The following GMDS variants were observed in gnomAD, a reference collection of about 807,000 sequenced individuals.
GMDS encodes the protein GDP-mannose 4,6-dehydratase.
GMDS carries 20 observed loss-of-function variants against 49.9 expected under a neutral mutation model. The ratio of observed to expected loss-of-function variants is 0.40; its 90% CI spans 0.28 to 0.58. The LOEUF is 0.58. Ranked by LOEUF, GMDS falls within the 20% of genes least tolerant of loss-of-function variation. The pLI, the probability that GMDS is intolerant of heterozygous loss-of-function variation, is 0.42. For missense variants in GMDS, 362 were observed against 481.4 expected (o/e 0.75, Z 2.32); for synonymous variants, 177 against 178.6 (o/e 0.99, Z 0.07).
intron 8 of GMDS, among the ~76,000 whole-genome samples, chr6:1,727,772 G>A (rs565351857): frequency 6.6e-6 from 1 of 152,282 alleles, no homozygotes; most frequent in South Asian, 2.1e-4. Flanking sequence ...TTTCACCGTT[G>A]GAGGAATAAT....
chr6:1,847,874 G>A (rs921591754), intron 7 of GMDS, among the ~76,000 whole-genome samples: 2 of 152,144 alleles, frequency 1.3e-5, no homozygotes, highest in Non-Finnish European at 2.9e-5. Context: ...TAGACTTGGT[G>A]AGGGTGTACT....
At chr6:2,180,836 T>C (rs977414333) in intron 1 of GMDS, among the ~76,000 whole-genome samples, 1 of 152,154 alleles carries the variant, frequency 6.6e-6, no homozygotes, top group African/African-American at 2.4e-5. Flanking sequence ...TCATTAGGTA[T>C]TTCCTCTCCA....
intron 1 of GMDS, among the ~76,000 whole-genome samples, chr6:2,136,219 T>C (rs144692594): frequency 1.3e-5 from 2 of 152,368 alleles, no homozygotes; most frequent in Non-Finnish European, 2.9e-5. Context: ...TTATGGCATA[T>C]CACAATTCAA....
intron 1 of GMDS, among the ~76,000 whole-genome samples, chr6:2,230,607 T>G (rs1164801050): frequency 6.6e-6 from 1 of 152,100 alleles, no homozygotes; most frequent in African/African-American, 2.4e-5. Flanking sequence ...GTTCAAACAG[T>G]AAATATTAAA....
chr6:2,207,518 T>C (rs1476507913), intron 1 of GMDS, among the ~76,000 whole-genome samples: 1 of 151,994 alleles, frequency 6.6e-6, no homozygotes, highest in Non-Finnish European at 1.5e-5. Context: ...CATGCCACAA[T>C]GACAACAAAC....
chr6:2,051,487 G>A (rs1013165087), intron 4 of GMDS, among the ~76,000 whole-genome samples: 5 of 151,988 alleles, frequency 3.3e-5, no homozygotes, highest in Non-Finnish European at 4.4e-5. Context: ...TATATATTCC[G>A]GGAATAAACT....
At chr6:1,726,638 C>T (rs903848081) in intron 8 of GMDS, 126 bp from the exon 9 acceptor site, 15 of 657,610 alleles carry the variant, frequency 2.3e-5, no homozygotes, top group Non-Finnish European at 3.8e-5. Context: ...CACAGCAGCA[C>T]AGGCTGATGC....
intron 8 of GMDS, among the ~76,000 whole-genome samples, chr6:1,729,332 C>T (rs1264116322): frequency 2.0e-5 from 3 of 152,218 alleles, no homozygotes; most frequent in Non-Finnish European, 4.4e-5. Context: ...CTCCCCTGCA[C>T]GACTTTCTTG....
At chr6:2,233,678 A>G (rs1196387) in intron 1 of GMDS, among the ~76,000 whole-genome samples, 151,359 of 152,284 alleles carry the variant, frequency 0.99, 75,225 homozygotes, top group Middle Eastern at 1. Flanking sequence ...AAATTAGCCA[A>G]GCATGGTGGC....
intron 9 of GMDS, among the ~76,000 whole-genome samples, chr6:1,687,377 A>G (rs1455450235): frequency 6.6e-6 from 1 of 152,218 alleles, no homozygotes; most frequent in East Asian, 1.9e-4. Context: ...GATGAGGCCA[A>G]TGTTCTAGGT....
At chr6:1,894,026 G>A (rs1760024459) in intron 7 of GMDS, among the ~76,000 whole-genome samples, 1 of 152,138 alleles carries the variant, frequency 6.6e-6, no homozygotes, top group Non-Finnish European at 1.5e-5. Context: ...AAGTCAATAT[G>A]CAGCTGAGAG....
intron 6 of GMDS, among the ~76,000 whole-genome samples, chr6:1,957,673 G>T (rs1195023060): frequency 6.6e-6 from 1 of 152,212 alleles, no homozygotes; most frequent in African/African-American, 2.4e-5. Flanking sequence ...TTTAAAGAGA[G>T]AACTTTTCTG....
chr6:1,965,607 G>A (rs1405383281), intron 4 of GMDS, among the ~76,000 whole-genome samples: 2 of 152,126 alleles, frequency 1.3e-5, no homozygotes, highest in African/African-American at 4.8e-5. Flanking sequence ...AGGATCAGTT[G>A]AGCCCCAGAG....
At chr6:1,756,668 G>A (rs943038306) in intron 7 of GMDS, among the ~76,000 whole-genome samples, 1 of 152,340 alleles carries the variant, frequency 6.6e-6, no homozygotes, top group Non-Finnish European at 1.5e-5. Context: ...TGGCCAAGGC[G>A]GACTGACTGG....
intron 4 of GMDS, among the ~76,000 whole-genome samples, chr6:2,034,540 T>G (rs956400451): frequency 2.6e-5 from 4 of 152,174 alleles, no homozygotes; most frequent in South Asian, 2.1e-4. Flanking sequence ...CTTTAAATAG[T>G]TGAATTTATG....
At chr6:1,774,699 T>C (rs1371789622) in intron 7 of GMDS, among the ~76,000 whole-genome samples, 1 of 148,364 alleles carries the variant, frequency 6.7e-6, no homozygotes, top group Non-Finnish European at 1.5e-5. Flanking sequence ...TGCTAACTCA[T>C]GTTGGGGTGG....
chr6:1,832,383 ACT>A (rs1330486096), intron 7 of GMDS, among the ~76,000 whole-genome samples: 2 of 150,408 alleles, frequency 1.3e-5, no homozygotes, highest in Non-Finnish European at 3.0e-5. Flanking sequence ...ACGGAGTGAG[ACT>A]CTCTATACCC....
intron 9 of GMDS, among the ~76,000 whole-genome samples, chr6:1,719,960 AC>A (rs1766316850): frequency 6.6e-6 from 1 of 152,246 alleles, no homozygotes; most frequent in African/African-American, 2.4e-5. Context: ...GAAAAAAGGT[AC>A]AGATGTTGCA....
intron 9 of GMDS, among the ~76,000 whole-genome samples, chr6:1,723,680 G>T (rs929925588): frequency 2.6e-5 from 4 of 151,826 alleles, no homozygotes; most frequent in Admixed American, 2.0e-4. Context: ...AGAAGATCTT[G>T]GGGGACAGAT....
Sources: gnomAD v4.1 joint callset for allele counts (sites outside exome capture counted in the v4.1 genomes callset) on GRCh38, gnomAD v4.1.1 for gene constraint, MANE v1.5 for transcripts, NCBI Gene and HGNC (gene_info 2026-07-23, HGNC 2026-07-21) for gene names.